ZFP1: variants seen among roughly 807,000 people sequenced by gnomAD.
ZFP1 encodes the protein ZFP1 zinc finger protein, also known as zinc finger protein 1 homolog.
A neutral mutation model predicts 38.5 loss-of-function variants in ZFP1; 32 were observed. The ratio of observed to expected loss-of-function variants is 0.83; its 90% confidence interval spans 0.63 to 1.12. The LOEUF (loss-of-function observed/expected upper bound fraction) is 1.12. Among genes scored for constraint, ZFP1 ranks in the 50% most tolerant of loss-of-function variants. The pLI is 0.00. For missense variants in ZFP1, 616 were observed against 480.8 expected (o/e 1.28, Z -2.63); for synonymous variants, 245 against 168.8 (o/e 1.45, Z -3.50).
chr16:75,154,584 T>G (rs962503249), intron 2 of ZFP1, among the ~76,000 whole-genome samples: 7 of 151,410 alleles, frequency 4.6e-5, no homozygotes, highest in African/African-American at 1.7e-4. Flanking sequence ...TTTTTTTTTT[T>G]TTTTTTTTTT....
chr16:75,163,914 T>C (rs1237342687), intron 2 of ZFP1, among the ~76,000 whole-genome samples: 1 of 152,192 alleles, frequency 6.6e-6, no homozygotes, highest in African/African-American at 2.4e-5. Context: ...CGGCACTGTT[T>C]ATGTCACCTC....
the ZFP1 span, among the ~76,000 whole-genome samples, chr16:75,126,557 C>A: frequency 6.6e-6 from 1 of 152,182 alleles, no homozygotes; most frequent in East Asian, 1.9e-4. Flanking sequence ...GCATGCGCCA[C>A]TACACCAGGC....
the ZFP1 span, among the ~76,000 whole-genome samples, chr16:75,127,635 G>C: frequency 5.3e-5 from 8 of 152,112 alleles, no homozygotes; most frequent in African/African-American, 1.7e-4. Context: ...AGGTGCTCTT[G>C]AATGCAGGTT....
chr16:75,155,405 G>A (rs1029181728), intron 2 of ZFP1, among the ~76,000 whole-genome samples: 2 of 152,154 alleles, frequency 1.3e-5, no homozygotes, highest in African/African-American at 4.8e-5. Flanking sequence ...TAAAGTGCTG[G>A]CATTACAGGT....
At chr16:75,167,759 T>G (rs1412293715) in intron 3 of ZFP1, among the ~76,000 whole-genome samples, 1 of 152,068 alleles carries the variant, frequency 6.6e-6, no homozygotes, top group African/African-American at 2.4e-5. Context: ...CACCATGTCC[T>G]GCTAATTATT....
chr16:75,141,300 T>G, the ZFP1 span, among the ~76,000 whole-genome samples: 1 of 148,332 alleles, frequency 6.7e-6, no homozygotes, highest in Non-Finnish European at 1.5e-5. Flanking sequence ...CCTCCCGGGT[T>G]CATGCCATTC....
rs550528720 is a variant in ZFP1 at position 75,157,820 on chromosome 16, G to A, written c.15+4854G>A. ...TGGTTGGTTGGTTTGTTTTGAGACC[G>A]GATCTGGCTCTGTTACCCAGGCTGG... is the stretch of plus-strand genomic sequence containing the variant. On this transcript the variant is annotated intron_variant, in intron 2 of 3. Coordinates refer to ENST00000570010, the MANE Select transcript of ZFP1 (RefSeq NM_153688.4). Among the ~76,000 whole-genome samples the A allele has an allele frequency of 1.6e-3, 239 of 151,762 alleles. 1 individual carries two copies. Among genetic ancestry groups the A allele is most frequent in the African/African-American group, 5.4e-3 (224 of 41,416 alleles).
At position 75,170,367 on chromosome 16, in the gene ZFP1, TGCCA is replaced by T. The variant is rs1362782712; in HGVS notation, c.*35_*38del. The T allele has an allele frequency of 4.6e-6, 7 of 1,527,534 alleles. No homozygotes were observed. In the African/African-American group the frequency reaches 9.7e-5, roughly 21 times the overall value. The allele number at this position is 1,527,534 out of a possible 1,614,324, so 94.6% of individuals were successfully genotyped here. A position where few individuals can be genotyped will look rare whatever the true frequency, so the allele number is the denominator to read the frequency against. On this transcript the variant is annotated 3_prime_UTR_variant, in exon 4 of 4. Coordinates refer to ENST00000570010, the MANE Select transcript of ZFP1 (RefSeq NM_153688.4). ...GCCAGGTCTTACTGTGGAAAACTCC[TGCCA>T]GAACTCTTCAAGCGGGTGAAAAACC...
intron 1 of ZFP1, 89 bp from the exon 2 acceptor site, chr16:75,152,820 T>C: frequency 1.6e-6 from 2 of 1,218,570 alleles, no homozygotes; most frequent in South Asian, 1.5e-5. Flanking sequence ...TCCCAGGTGG[T>C]CTCTAGGGGT....
At chr16:75,143,544 C>A (rs2036908389), upstream of ZFP1, among the ~76,000 whole-genome samples, 1 of 151,892 alleles carries the variant, frequency 6.6e-6, no homozygotes, top group Non-Finnish European at 1.5e-5. Context: ...CTGTGCCCAG[C>A]CCTGTTAATT....
the ZFP1 span, among the ~76,000 whole-genome samples, chr16:75,138,285 T>G: frequency 6.6e-6 from 1 of 152,092 alleles, no homozygotes; most frequent in Non-Finnish European, 1.5e-5. Flanking sequence ...TCCACCCACC[T>G]TGGCCTCCCA....
intron 2 of ZFP1, among the ~76,000 whole-genome samples, chr16:75,159,792 G>C (rs931043709): frequency 2.0e-5 from 3 of 152,156 alleles, no homozygotes; most frequent in African/African-American, 7.2e-5. Context: ...AAAATGTTAA[G>C]TTTTGTCTGC....
chr16:75,146,226 A>G (rs35772006), upstream of ZFP1, among the ~76,000 whole-genome samples: 99,071 of 150,756 alleles, frequency 0.66, 32,830 homozygotes, highest in Admixed American at 0.74. Flanking sequence ...TCATTGGTGC[A>G]ATCTCGGCTC....
At chr16:75,124,733 G>A in the ZFP1 span, among the ~76,000 whole-genome samples, 461 of 145,462 alleles carry the variant, frequency 3.2e-3, 4 homozygotes, top group African/African-American at 0.011. Context: ...CTTGCGGCGA[G>A]CTGAGATGGT....
chr16:75,170,347 GTCT>G lies in ZFP1; in HGVS notation c.*15_*17del. 6.5e-7 allele frequency: 1 copy of G among 1,549,718 alleles called. No individual in the cohort carries two copies. Among genetic ancestry groups the G allele is most frequent in the Admixed American group, 2.0e-5 (1 of 50,656 alleles). The stretch of plus-strand genomic sequence containing the variant: ...GGAGAAACCCTGAAACTCCAGCCAG[GTCT>G]TACTGTGGAAAACTCCTGCCAGAAC... On this transcript the variant is annotated 3_prime_UTR_variant, in exon 4 of 4. Transcript: ENST00000570010.
intron 1 of ZFP1, among the ~76,000 whole-genome samples, chr16:75,152,045 C>T (rs2037229827): frequency 6.6e-6 from 1 of 152,054 alleles, no homozygotes; most frequent in African/African-American, 2.4e-5. Flanking sequence ...TGTTTTCTGG[C>T]TTAGTTTCTG....
intron 2 of ZFP1, among the ~76,000 whole-genome samples, chr16:75,166,029 G>C (rs1172347997): frequency 2.0e-5 from 3 of 151,960 alleles, no homozygotes; most frequent in African/African-American, 7.3e-5. Context: ...CCATTTTTAT[G>C]GCTTGAATGA....
chr16:75,153,046 A>T (rs1199459302), intron 2 of ZFP1, 80 bp downstream of exon 2: 1 of 1,550,526 alleles, frequency 6.4e-7, no homozygotes, highest in Non-Finnish European at 8.8e-7. Context: ...TGAAATAGAA[A>T]AGTATGAATA....
At chr16:75,119,717 G>T in the ZFP1 span, 2 of 152,096 alleles carry the variant, frequency 1.3e-5, no homozygotes. Flanking sequence ...CTGTTTTGTT[G>T]TTGTTCATTT....
Sources: gnomAD v4.1 joint callset for allele counts (sites outside exome capture counted in the v4.1 genomes callset) on GRCh38, gnomAD v4.1.1 for gene constraint, MANE v1.5 for transcripts, NCBI Gene and HGNC (gene_info 2026-07-23, HGNC 2026-07-21) for gene names.